The following HTR2C variants were observed in gnomAD, a reference collection of about 807,000 sequenced individuals.
The protein encoded by HTR2C is 5-hydroxytryptamine (serotonin) receptor 2C, G protein-coupled.
Under a neutral mutation model 21.0 loss-of-function variants are expected in HTR2C, and 5 were observed. That is an observed-to-expected ratio of 0.24 (90% CI 0.12 to 0.50). The LOEUF (loss-of-function observed/expected upper bound fraction) is 0.50, where lower values mean the gene tolerates loss of function less well. Ranked by LOEUF, HTR2C falls within the 20% of genes least tolerant of loss-of-function variation. The pLI is 0.98. For missense variants in HTR2C, 271 were observed against 371.2 expected (o/e 0.73, Z 2.22); for synonymous variants, 150 against 145.3 (o/e 1.03, Z -0.23).
intron 2 of HTR2C, among the ~76,000 whole-genome samples, chrX:114,617,166 T>A (rs1390571043): frequency 1.8e-5 from 2 of 112,281 alleles, no homozygotes; most frequent in African/African-American, 6.5e-5. Flanking sequence ...AGGCTGGGCA[T>A]GGTGGCTCAT....
chrX:114,731,179 G>T (rs1229062373), intron 3 of HTR2C, 115 bp from the exon 4 acceptor site: 10 of 488,192 alleles, frequency 2.0e-5, no homozygotes, highest in Non-Finnish European at 3.6e-5. Flanking sequence ...CAATGATGCT[G>T]ATGATGATAA....
At chrX:114,891,676 A>G (rs886563935) in intron 5 of HTR2C, among the ~76,000 whole-genome samples, 1 of 110,877 alleles carries the variant, frequency 9.0e-6, no homozygotes, top group Non-Finnish European at 1.9e-5. Context: ...AAGGGAACTC[A>G]GGAAGAAAGC....
At chrX:114,892,870 T>C (rs893040091) in intron 5 of HTR2C, among the ~76,000 whole-genome samples, 1 of 110,046 alleles carries the variant, frequency 9.1e-6, no homozygotes, top group East Asian at 2.8e-4. Context: ...ATCAGGCTAG[T>C]TTCAGAAACT....
chrX:114,753,738 T>C (rs2069783990), intron 4 of HTR2C, among the ~76,000 whole-genome samples: 1 of 112,158 alleles, frequency 8.9e-6, no homozygotes, highest in Non-Finnish European at 1.9e-5. Context: ...AATTTATAGT[T>C]AACATTACAA....
rs962633732 is a variant in HTR2C, at chrX:114,657,993, T to G, written c.-80+44112T>G. ...AAAACAAGATGCCCAGGCTTAAAATTTCTTTGTTACAATATAATAGCATTT... is the reference window on the plus strand; with the variant it reads ...AAAACAAGATGCCCAGGCTTAAAATGTCTTTGTTACAATATAATAGCATTT... On this transcript the variant is annotated intron_variant, in intron 2 of 5. Transcript: ENST00000276198. 6.5e-4 allele frequency among the ~76,000 whole-genome samples: 72 copies of G among 111,585 alleles called. 1 individual carries two copies. Among genetic ancestry groups the G allele is most frequent in the African/African-American group, 2.2e-3 (69 of 30,873 alleles).
At chrX:114,712,098 CTCTTTT>C (rs1270474244) in intron 2 of HTR2C, among the ~76,000 whole-genome samples, 39 of 111,655 alleles carry the variant, frequency 3.5e-4, no homozygotes, top group African/African-American at 1.1e-3. Flanking sequence ...TGCATATAAT[CTCTTTT>C]TCTTAAGCAA....
intron 2 of HTR2C, among the ~76,000 whole-genome samples, chrX:114,661,144 A>T (rs1439684419): frequency 1.8e-5 from 2 of 112,088 alleles, no homozygotes; most frequent in South Asian, 3.7e-4. Context: ...AAGTAGAGTG[A>T]TGCATTATCT....
At chrX:114,821,223 A>G (rs2070630105) in intron 4 of HTR2C, among the ~76,000 whole-genome samples, 2 of 79,334 alleles carry the variant, frequency 2.5e-5, no homozygotes, top group South Asian at 1.8e-3. Flanking sequence ...AGCAGATATG[A>G]GTACGTACAG....
At chrX:114,653,912 T>C (rs1930682944) in intron 2 of HTR2C, among the ~76,000 whole-genome samples, 1 of 111,044 alleles carries the variant, frequency 9.0e-6, no homozygotes, top group African/African-American at 3.3e-5. Context: ...GGTCAGCTTT[T>C]ATTTTATTCA....
chrX:114,656,228 A>G (rs1930776201), intron 2 of HTR2C, among the ~76,000 whole-genome samples: 2 of 111,115 alleles, frequency 1.8e-5, no homozygotes, highest in South Asian at 7.5e-4. Context: ...TACTAATTAT[A>G]TAACTAGGGA....
At chrX:114,896,915 T>A (rs1385632529) in intron 5 of HTR2C, among the ~76,000 whole-genome samples, 1 of 111,656 alleles carries the variant, frequency 9.0e-6, no homozygotes, top group Admixed American at 9.6e-5. Context: ...TAATTTTTGT[T>A]CTCCTGTTTC....
At chrX:114,586,464 G>A (rs994617087) in intron 1 of HTR2C, among the ~76,000 whole-genome samples, 2 of 111,827 alleles carry the variant, frequency 1.8e-5, no homozygotes, top group Non-Finnish European at 3.8e-5. Context: ...TCCTAATAGC[G>A]TCTATCATCT....
At chrX:114,781,340 A>G (rs1343642350) in intron 4 of HTR2C, among the ~76,000 whole-genome samples, 1 of 110,648 alleles carries the variant, frequency 9.0e-6, no homozygotes, top group Non-Finnish European at 1.9e-5. Flanking sequence ...ATTAAAAAAT[A>G]AAAAAATTAG....
At chrX:114,768,834 A>G (rs1438630600) in intron 4 of HTR2C, among the ~76,000 whole-genome samples, 1 of 111,443 alleles carries the variant, frequency 9.0e-6, no homozygotes, top group African/African-American at 3.2e-5. Flanking sequence ...ATGACTAAAC[A>G]AAAGATGGCA....
At chrX:114,819,437 A>G (rs979273547) in intron 4 of HTR2C, among the ~76,000 whole-genome samples, 29 of 112,436 alleles carry the variant, frequency 2.6e-4, no homozygotes, top group African/African-American at 9.0e-4. Flanking sequence ...TGAACAGGTT[A>G]GCTAAACATA....
At chrX:114,725,941 G>A (rs1378577201) in intron 2 of HTR2C, among the ~76,000 whole-genome samples, 1 of 108,794 alleles carries the variant, frequency 9.2e-6, no homozygotes, top group Non-Finnish European at 1.9e-5. Flanking sequence ...GGACATTTAA[G>A]TCTGCAGAGG....
At chrX:114,803,977 T>C (rs1337045753) in intron 4 of HTR2C, among the ~76,000 whole-genome samples, 1 of 112,091 alleles carries the variant, frequency 8.9e-6, no homozygotes, top group African/African-American at 3.2e-5. Flanking sequence ...TGTGCTGAGC[T>C]GTGTGTTGAG....
chrX:114,618,866 T>C (rs1929047088), intron 2 of HTR2C, among the ~76,000 whole-genome samples: 1 of 111,273 alleles, frequency 9.0e-6, no homozygotes, highest in Non-Finnish European at 1.9e-5. Flanking sequence ...ACTGTGTAGA[T>C]CTAAGTACAG....
intron 5 of HTR2C, among the ~76,000 whole-genome samples, chrX:114,848,971 A>G (rs782190884): frequency 4.7e-4 from 52 of 111,149 alleles, no homozygotes; most frequent in Non-Finnish European, 8.5e-4. Flanking sequence ...CTTCATATTT[A>G]TGTTTTTGTA....
Sources: allele counts gnomAD v4.1 joint callset (sites outside exome capture counted in the v4.1 genomes callset), GRCh38; gene constraint gnomAD v4.1.1; transcripts MANE v1.5; gene names NCBI Gene and HGNC (gene_info 2026-07-23, HGNC 2026-07-21).